ALG3: variants seen among roughly 807,000 people sequenced by gnomAD.
ALG3 encodes dol-P-Man:Man(5)GlcNAc(2)-PP-Dol alpha-1,3-mannosyltransferase.
ALG3 carries 39 observed loss-of-function variants against 50.5 expected under a neutral mutation model. That is an observed-to-expected ratio of 0.77 (90% CI 0.60 to 1.01). The LOEUF is 1.01. Among genes scored for constraint, ALG3 ranks in the 50% least tolerant of loss-of-function variants. The pLI is 0.00. For missense variants in ALG3, 520 were observed against 554.8 expected (o/e 0.94, Z 0.63); for synonymous variants, 252 against 237.2 (o/e 1.06, Z -0.58).
upstream of ALG3, chr3:184,249,150 C>T: frequency 6.4e-7 from 1 of 1,556,314 alleles, no homozygotes; most frequent in Non-Finnish European, 8.7e-7. Flanking sequence ...TGTCTTACTC[C>T]TCAGTTTATA....
rs1382124642 is a variant in ALG3, at chr3:184,244,007, G to C, written c.727-11C>G. The C allele has an allele frequency of 6.2e-7, 1 of 1,610,478 alleles. No homozygotes were observed. On this transcript the variant is annotated splice_polypyrimidine_tract_variant and intron_variant, in intron 5 of 8. Coordinates refer to ENST00000397676, the MANE Select transcript of ALG3 (RefSeq NM_005787.6). Reference sequence around the variant, plus strand: ...CAGCCCCAGCACCACCTGAGGATTGGTGTGATGTCAGCAGAGCTGCCAAGG... The same window carrying C: ...CAGCCCCAGCACCACCTGAGGATTGCTGTGATGTCAGCAGAGCTGCCAAGG...
chr3:184,244,992 T>C lies in ALG3; in HGVS notation c.605+206A>G, dbSNP rs1295386283. The C allele has an allele frequency of 3.7e-6, 3 of 802,056 alleles. No homozygotes were observed. In the East Asian group the frequency reaches 8.0e-5, roughly 21 times the overall value. 49.7% of individuals were successfully genotyped at this position (802,056 alleles called of 1,614,324 possible). A position where few individuals can be genotyped will look rare whatever the true frequency, so the allele number is the denominator to read the frequency against. On this transcript the variant is annotated intron_variant, in intron 4 of 8. Transcript: ENST00000397676. ...ACTAATTCCAACAAGGAATGCTGTC[T>C]GGGAGGAAGACAGGATGGAAAGAGG...
upstream of ALG3, chr3:184,249,261 G>T (rs776703482): frequency 6.2e-7 from 1 of 1,611,956 alleles, no homozygotes; most frequent in Non-Finnish European, 8.5e-7. Context: ...ATTCTCCTTC[G>T]CCTGCGCTGG....
In ALG3 at chr3:184,245,461, G is replaced by C. The variant is rs572707309; in HGVS notation, c.444+7C>G. Reference sequence around the variant, plus strand: ...GGGGCCCTCTAGCCCTGGTAGCATGGACTCACCTTGCAGGTCTGGTGATAG... The same window carrying C: ...GGGGCCCTCTAGCCCTGGTAGCATGCACTCACCTTGCAGGTCTGGTGATAG... On this transcript the variant is annotated splice_region_variant and intron_variant, in intron 3 of 8. Coordinates refer to ENST00000397676, the MANE Select transcript of ALG3 (RefSeq NM_005787.6). The C allele has an allele frequency of 6.2e-7, 1 of 1,613,834 alleles. No individual in the cohort carries two copies. The highest frequency in any genetic ancestry group is 1.1e-5 in the South Asian group (1 of 91,070).
rs1327248855 is a variant in ALG3 at position 184,242,527 on chromosome 3, T to C, written c.1304A>G (p.Lys435Arg). ...QPFPKSTQHS[K>R]KAH ...AAGGGGTGGACTTCAGTGGGCTTTC[T>C]TGCTGTGTTGGGTGCTCTTGGGGAA... is the stretch of plus-strand genomic sequence containing the variant. The change falls in exon 9 of 9, where the codon AAG (lysine) becomes AGG (arginine). Residue 435 changes from lysine to arginine, a missense_variant. This residue lies in a region of ALG3 where 224 missense variants were observed against 272.8 expected (regional missense o/e 0.82). Transcript: ENST00000397676. The C allele has an allele frequency of 6.2e-7, 1 of 1,612,898 alleles. No homozygotes were observed. The highest frequency in any genetic ancestry group is 8.5e-7 in the Non-Finnish European group (1 of 1,179,440).
rs754604982 is a variant in ALG3 at position 184,244,010 on chromosome 3, T to G, written c.727-14A>C. The G allele has an allele frequency of 3.7e-6, 6 of 1,609,512 alleles. No individual in the cohort carries two copies. In the South Asian group the frequency reaches 5.5e-5, roughly 15 times the overall value. On this transcript the variant is annotated splice_polypyrimidine_tract_variant and intron_variant, in intron 5 of 8. Transcript: ENST00000397676. ...CCCCAGCACCACCTGAGGATTGGTG[T>G]GATGTCAGCAGAGCTGCCAAGGCTC... is the stretch of plus-strand genomic sequence containing the variant.
Position 184,243,952 on chromosome 3 carries a change from G to C in ALG3, c.771C>G (p.Tyr257Ter). The C allele has an allele frequency of 6.2e-7, 1 of 1,613,730 alleles. No homozygotes were observed. The highest frequency in any genetic ancestry group is 8.5e-7 in the Non-Finnish European group (1 of 1,179,896). Residue 257 changes from tyrosine (Y) to a stop codon, truncating the protein, a stop_gained, in exon 6 of 9, where the codon TAC (tyrosine) becomes TAG (stop). Transcript: ENST00000397676. LOFTEE classifies it high-confidence loss of function. ...GGCCAAGGTCAAAGGAGCGGGACAG[G>C]TAGCCGCTGGGGTTCTCCAGCAGGA... ...LPFLLENPSGYLSRSFDLGRQ... is the reference protein window; with the variant it reads ...LPFLLENPSG
In ALG3 at chr3:184,245,780, C is replaced by A; in HGVS notation, c.229G>T (p.Glu77Ter). The A allele has an allele frequency of 6.2e-7, 1 of 1,613,852 alleles. No homozygotes were observed. Among genetic ancestry groups the A allele is most frequent in the Non-Finnish European group, 8.5e-7 (1 of 1,179,828 alleles). ...TEIDWKAYMA[E>*]VEGVINGTYD... is the part of the protein sequence containing the mutation. Reference sequence around the variant, plus strand: ...GTACCATTGATGACGCCTTCTACCTCGGCCATGTAGGCCTTCCAGTCAATC... The same window carrying A: ...GTACCATTGATGACGCCTTCTACCTAGGCCATGTAGGCCTTCCAGTCAATC... The change falls in exon 2 of 9, where the codon GAG becomes TAG. Residue 77 changes from glutamate (E) to a stop codon, truncating the protein, a stop_gained. Transcript: ENST00000397676. LOFTEE classifies it high-confidence loss of function.
intron 1 of ALG3, among the ~76,000 whole-genome samples, chr3:184,246,765 C>T (rs547385086): frequency 8.2e-4 from 124 of 152,138 alleles, no homozygotes; most frequent in African/African-American, 2.9e-3. Flanking sequence ...CAACCTCCGC[C>T]TCCCGGGTTC....
At chr3:184,244,070 G>C in intron 5 of ALG3, 74 bp from the exon 6 acceptor site, 2 of 1,466,386 alleles carry the variant, frequency 1.4e-6, no homozygotes, top group Non-Finnish European at 1.9e-6. Flanking sequence ...TACTCATTGA[G>C]GGGTGTGGGA....
Position 184,248,958 on chromosome 3 carries a change from T to C in ALG3, c.-18A>G, listed in dbSNP as rs1377139519. On this transcript the variant is annotated 5_prime_UTR_variant, in exon 1 of 9. Transcript: ENST00000397676. ...GCCGCCATCTTAACGGTGCGCCGCT[T>C]GTGTGGGCCCACCACCCCCGGAAAC... 1 of 1,562,256 alleles carries C rather than the reference T, an allele frequency of 6.4e-7. No homozygotes were observed. The highest frequency in any genetic ancestry group is 8.6e-7 in the Non-Finnish European group (1 of 1,157,048).
upstream of ALG3, chr3:184,248,968 C>T (rs1353560898): frequency 6.4e-7 from 1 of 1,554,020 alleles, no homozygotes; most frequent in Non-Finnish European, 8.7e-7. Flanking sequence ...TGTGTGGGCC[C>T]ACCACCCCCG....
Position 184,242,364 on chromosome 3 carries a change from G to A in ALG3, c.*150C>T, listed in dbSNP as rs973835555. On this transcript the variant is annotated 3_prime_UTR_variant, in exon 9 of 9. Coordinates refer to ENST00000397676, the MANE Select transcript of ALG3 (RefSeq NM_005787.6). Reference sequence around the variant, plus strand: ...TGAATTCTTTATCTGCTCCATACGTGTCCCTCACAGCCTGGACCAGGCATC... The same window carrying A: ...TGAATTCTTTATCTGCTCCATACGTATCCCTCACAGCCTGGACCAGGCATC... The A allele has an allele frequency of 5.2e-6, 5 of 967,262 alleles. No individual in the cohort carries two copies. In the African/African-American group the frequency reaches 6.5e-5, roughly 13 times the overall value. 59.9% of individuals were successfully genotyped at this position (967,262 alleles called of 1,614,324 possible).
chr3:184,244,032 G>C (rs1478022739), intron 5 of ALG3, 36 bp from the exon 6 acceptor site: 2 of 1,591,772 alleles, frequency 1.3e-6, no homozygotes, highest in African/African-American at 1.3e-5. Flanking sequence ...AGCTGCCAAG[G>C]CTCATTCCCA....
intron 1 of ALG3, 126 bp downstream of exon 1, chr3:184,248,619 G>T: frequency 2.3e-6 from 2 of 872,918 alleles, no homozygotes; most frequent in Non-Finnish European, 3.4e-6. Context: ...TAAGGGATAT[G>T]GATGGGTTCG....
chr3:184,245,936 TCTAA>T (rs1560164952), intron 1 of ALG3, 124 bp from the exon 2 acceptor site: 2 of 708,030 alleles, frequency 2.8e-6, no homozygotes, highest in Non-Finnish European at 2.5e-6. Flanking sequence ...TACCTCTTAA[TCTAA>T]CTCTTTATCT....
intron 1 of ALG3, among the ~76,000 whole-genome samples, chr3:184,247,263 G>A (rs1577106823): frequency 6.7e-6 from 1 of 150,370 alleles, no homozygotes; most frequent in African/African-American, 2.4e-5. Flanking sequence ...CCAAAGTGCT[G>A]GGATTACAGG....
At chr3:184,244,051 C>A in intron 5 of ALG3, 55 bp from the exon 6 acceptor site, 1 of 1,543,630 alleles carries the variant, frequency 6.5e-7, no homozygotes, top group Non-Finnish European at 8.9e-7. Context: ...CAATGACCAG[C>A]CTTCATGCTA....
Position 184,242,510 on chromosome 3 carries a change from G to A in ALG3, c.*4C>T, listed in dbSNP as rs778620260. The A allele has an allele frequency of 7.4e-6, 12 of 1,612,672 alleles. No homozygotes were observed. The Admixed American group carries it at 2.0e-4, about 27-fold the overall frequency. On this transcript the variant is annotated 3_prime_UTR_variant, in exon 9 of 9. Coordinates refer to ENST00000397676, the MANE Select transcript of ALG3 (RefSeq NM_005787.6). ...ACTCAGGTCCTGAGGGAAAGGGGTG[G>A]ACTTCAGTGGGCTTTCTTGCTGTGT...
Sources: gnomAD v4.1 joint callset for allele counts (sites outside exome capture counted in the v4.1 genomes callset) on GRCh38, gnomAD v4.1.1 for gene constraint, gnomAD v4.1.1 regional missense constraint, MANE v1.5 for transcripts, NCBI Gene and HGNC (gene_info 2026-07-23, HGNC 2026-07-21) for gene names.